CAMKMT: variants seen among roughly 807,000 people sequenced by gnomAD.
CAMKMT encodes the protein calmodulin-lysine N-methyltransferase, also known as CaM KMT.
In CAMKMT, 53 loss-of-function variants were observed where a neutral mutation model predicts 48.0. The ratio of observed to expected loss-of-function variants is 1.10; its 90% CI spans 0.89 to 1.39. CAMKMT has a LOEUF of 1.39. Among genes scored for constraint, CAMKMT ranks in the 40% most tolerant of loss-of-function variants. The pLI, the probability that CAMKMT is intolerant of heterozygous loss-of-function variation, is 0.00. For synonymous variants in CAMKMT, 165 were observed against 152.3 expected (o/e 1.08, Z -0.61); for missense variants, 428 against 402.7 (o/e 1.06, Z -0.54).
At chr2:44,541,725 T>G (rs1012277653) in intron 3 of CAMKMT, among the ~76,000 whole-genome samples, 2 of 147,930 alleles carry the variant, frequency 1.4e-5, no homozygotes, top group Admixed American at 1.4e-4. Flanking sequence ...GAGCCATGAG[T>G]GTGCCACTGA....
At chr2:44,528,637 T>C (rs1034143635) in intron 3 of CAMKMT, among the ~76,000 whole-genome samples, 5 of 152,190 alleles carry the variant, frequency 3.3e-5, no homozygotes, top group Non-Finnish European at 7.4e-5. Flanking sequence ...TCAGTTTGTT[T>C]GAATCACATC....
At chr2:44,525,482 C>T (rs1036292919) in intron 3 of CAMKMT, among the ~76,000 whole-genome samples, 5 of 152,094 alleles carry the variant, frequency 3.3e-5, no homozygotes, top group Admixed American at 1.3e-4. Context: ...TCTCGATCTC[C>T]TGACCTCGTG....
At chr2:44,633,375 C>T (rs996107420) in intron 3 of CAMKMT, among the ~76,000 whole-genome samples, 1 of 151,990 alleles carries the variant, frequency 6.6e-6, no homozygotes, top group Non-Finnish European at 1.5e-5. Context: ...CATTTCTTTC[C>T]CCATTCCTGT....
At chr2:44,751,294 G>A (rs1232737738) in intron 8 of CAMKMT, among the ~76,000 whole-genome samples, 1 of 152,136 alleles carries the variant, frequency 6.6e-6, no homozygotes, top group Non-Finnish European at 1.5e-5. Context: ...ATGCTCAGGA[G>A]TAATTACAAT....
At position 44,595,786 on chromosome 2, in the gene CAMKMT, A is replaced by G. The variant is rs898860303; in HGVS notation, c.377-108497A>G. ...AAATGAAATGTGGCACATATACACC[A>G]TGGAATAGTATGCAGCTGTAAAAAA... On this transcript the variant is annotated intron_variant, in intron 3 of 10. Transcript: ENST00000378494. Among the ~76,000 whole-genome samples the G allele has an allele frequency of 3.3e-5, 5 of 152,214 alleles. No homozygotes were observed. The East Asian group carries it at 7.7e-4, about 23-fold the overall frequency.
At chr2:44,721,832 A>G (rs1678474829) in intron 7 of CAMKMT, among the ~76,000 whole-genome samples, 1 of 151,908 alleles carries the variant, frequency 6.6e-6, no homozygotes, top group African/African-American at 2.4e-5. Flanking sequence ...ATTGAAAAGA[A>G]AAGAAGAGGA....
At chr2:44,619,925 C>T (rs1672085413) in intron 3 of CAMKMT, among the ~76,000 whole-genome samples, 1 of 152,142 alleles carries the variant, frequency 6.6e-6, no homozygotes, top group African/African-American at 2.4e-5. Context: ...TTGGCCAGAA[C>T]CCCATGTAAT....
chr2:44,469,365 T>C lies in CAMKMT; in HGVS notation c.376+79060T>C, dbSNP rs184728564. On this transcript the variant is annotated intron_variant, in intron 3 of 10. Transcript: ENST00000378494. ...ATTAAACCTGATTTTTTTTTTGTTA[T>C]AAATAATTTGGTCATGTTGTCTGAA... is the stretch of plus-strand genomic sequence containing the variant. Among the ~76,000 whole-genome samples, 8 of 152,248 alleles carry C rather than the reference T, an allele frequency of 5.3e-5. No individual in the cohort carries two copies. In the East Asian group the frequency reaches 1.5e-3, roughly 29 times the overall value.
At chr2:44,505,270 T>TAAA (rs1191724695) in intron 3 of CAMKMT, among the ~76,000 whole-genome samples, 1 of 152,202 alleles carries the variant, frequency 6.6e-6, no homozygotes, top group Non-Finnish European at 1.5e-5. Context: ...TGAGAATTTG[T>TAAA]AAATATATTC....
intron 7 of CAMKMT, among the ~76,000 whole-genome samples, chr2:44,740,652 G>A (rs1679627359): frequency 6.6e-6 from 1 of 152,168 alleles, no homozygotes; most frequent in Non-Finnish European, 1.5e-5. Flanking sequence ...AAGCCAGTGA[G>A]GATGCTTGTG....
At chr2:44,475,072 A>C (rs1007729282) in intron 3 of CAMKMT, among the ~76,000 whole-genome samples, 4 of 152,248 alleles carry the variant, frequency 2.6e-5, no homozygotes, top group African/African-American at 7.2e-5. Context: ...GAAAAGAGTC[A>C]AAATGTAATC....
At chr2:44,481,874 A>T (rs1278130429) in intron 3 of CAMKMT, among the ~76,000 whole-genome samples, 1 of 152,078 alleles carries the variant, frequency 6.6e-6, no homozygotes, top group Non-Finnish European at 1.5e-5. Context: ...ATATATAGTT[A>T]AGTTTGAACA....
At chr2:44,749,968 C>T (rs1320862264) in intron 8 of CAMKMT, among the ~76,000 whole-genome samples, 3 of 152,182 alleles carry the variant, frequency 2.0e-5, no homozygotes, top group Non-Finnish European at 4.4e-5. Flanking sequence ...ACTTAGGCCC[C>T]TCATGGAGAT....
At chr2:44,726,329 G>T (rs1410698483) in intron 7 of CAMKMT, among the ~76,000 whole-genome samples, 4 of 152,176 alleles carry the variant, frequency 2.6e-5, no homozygotes, top group Non-Finnish European at 5.9e-5. Flanking sequence ...ATTCTGACTG[G>T]TGTGAGGTGC....
At chr2:44,645,110 T>A (rs774755722) in intron 3 of CAMKMT, among the ~76,000 whole-genome samples, 22 of 152,172 alleles carry the variant, frequency 1.4e-4, no homozygotes, top group Non-Finnish European at 2.6e-4. Context: ...TAACCCAAGC[T>A]TAGTCCAGAT....
chr2:44,578,317 G>A (rs1048404592), intron 3 of CAMKMT, among the ~76,000 whole-genome samples: 1 of 152,110 alleles, frequency 6.6e-6, no homozygotes, highest in Non-Finnish European at 1.5e-5. Context: ...AATTTCATAT[G>A]GAAATAATAC....
chr2:44,497,042 T>C (rs1156963670), intron 3 of CAMKMT, among the ~76,000 whole-genome samples: 1 of 152,206 alleles, frequency 6.6e-6, no homozygotes, highest in Admixed American at 6.5e-5. Context: ...TATCCTCATT[T>C]ATTATTCATA....
At chr2:44,402,544 C>T (rs1682474268) in intron 3 of CAMKMT, among the ~76,000 whole-genome samples, 1 of 151,762 alleles carries the variant, frequency 6.6e-6, no homozygotes, top group Non-Finnish European at 1.5e-5. Flanking sequence ...GCTGTATTTT[C>T]AAACATTGTG....
chr2:44,754,936 G>C (rs935795330), intron 9 of CAMKMT, among the ~76,000 whole-genome samples: 3 of 152,004 alleles, frequency 2.0e-5, no homozygotes, highest in African/African-American at 7.3e-5. Flanking sequence ...TACAGTCGAA[G>C]ATAGGAACGC....
Sources: gnomAD v4.1 joint callset for allele counts (sites outside exome capture counted in the v4.1 genomes callset) on GRCh38, gnomAD v4.1.1 for gene constraint, MANE v1.5 for transcripts, NCBI Gene and HGNC (gene_info 2026-07-23, HGNC 2026-07-21) for gene names.